BPIFB2: variants seen among roughly 807,000 people sequenced by gnomAD.
The protein encoded by BPIFB2 is BPI fold-containing family B member 2.
Under a neutral mutation model 50.1 loss-of-function variants are expected in BPIFB2, and 39 were observed. That is an observed-to-expected ratio of 0.78 (90% CI 0.60 to 1.02). The LOEUF (loss-of-function observed/expected upper bound fraction) is 1.02, where lower values mean the gene tolerates loss of function less well. Among genes scored for constraint, BPIFB2 ranks in the 50% least tolerant of loss-of-function variants. The pLI is 0.00. For missense variants in BPIFB2, 574 were observed against 585.8 expected (o/e 0.98, Z 0.21); for synonymous variants, 280 against 256.3 (o/e 1.09, Z -0.88).
intron 7 of BPIFB2, among the ~76,000 whole-genome samples, chr20:33,017,830 C>T (rs1172694166): frequency 2.0e-5 from 3 of 152,172 alleles, no homozygotes; most frequent in East Asian, 3.9e-4. Context: ...AATAACCCTA[C>T]AGGATTGTAA....
chr20:33,014,733 G>A (rs1274801447), intron 5 of BPIFB2, among the ~76,000 whole-genome samples: 2 of 152,250 alleles, frequency 1.3e-5, no homozygotes, highest in Non-Finnish European at 2.9e-5. Context: ...TCTCCCCAGA[G>A]AGGGATGTGG....
chr20:33,021,091 A>G (rs1046288263), intron 13 of BPIFB2, among the ~76,000 whole-genome samples, 190 bp from the exon 14 acceptor site: 11 of 152,076 alleles, frequency 7.2e-5, no homozygotes, highest in Non-Finnish European at 1.6e-4. Flanking sequence ...GGCTGAGCCA[A>G]CCATGGGGGT....
Position 33,020,392 on chromosome 20 carries a change from T to C in BPIFB2, c.1145T>C (p.Leu382Pro). 1 of 1,614,068 alleles carries C rather than the reference T, an allele frequency of 6.2e-7. No homozygotes were observed. The highest frequency in any genetic ancestry group is 8.5e-7 in the Non-Finnish European group (1 of 1,179,960). ...KVKLQGTTSV[L>P]GDVQLTVASS... The stretch of plus-strand genomic sequence containing the variant: ...AAGCTTCAGGGGACCACGTCTGTGC[T>C]GGGGTAAACGAGCCCACCTGGACCC... Residue 382 changes from leucine to proline, a missense_variant, in exon 12 of 16, where the codon CTG becomes CCG. Leu to Pro is a moderately conservative substitution (Grantham distance 98). Transcript: ENST00000170150.
chr20:33,019,170 T>C, intron 10 of BPIFB2, 55 bp downstream of exon 10: 1 of 1,602,828 alleles, frequency 6.2e-7, no homozygotes, highest in Middle Eastern at 1.7e-4. Context: ...GGGGTGGGGG[T>C]TCTCTGGGTC....
In BPIFB2 at chr20:33,008,636, C is replaced by T. The variant is rs373825975; in HGVS notation, c.62C>T (p.Ser21Phe). 6 of 1,607,730 alleles carry T rather than the reference C, an allele frequency of 3.7e-6. No homozygotes were observed. The highest frequency in any genetic ancestry group is 1.3e-5 in the African/African-American group (1 of 74,806). Residue 21 changes from serine to phenylalanine, a missense_variant, in exon 2 of 16, where the codon TCC (serine) becomes TTC (phenylalanine). Transcript: ENST00000170150. ...CTGCTGCTGCCCGTGGTCGGTGCCT[C>T]CACGCCAGGCACCGTGGTCCGACTC... ...LALLLPVVGA[S>F]TPGTVVRLNK...
intron 14 of BPIFB2, 62 bp from the exon 15 acceptor site, chr20:33,021,661 A>G: frequency 6.6e-7 from 1 of 1,508,300 alleles, no homozygotes; most frequent in Non-Finnish European, 9.2e-7. Flanking sequence ...GCTGTGATGC[A>G]CATGAGGGCT....
Position 33,008,395 on chromosome 20 carries a change from C to T in BPIFB2, c.-34-146C>T, listed in dbSNP as rs567589149. 6 of 557,004 alleles carry T rather than the reference C, an allele frequency of 1.1e-5. No homozygotes were observed. The South Asian group carries it at 1.4e-4, about 13-fold the overall frequency. The allele number at this position is 557,004 out of a possible 1,614,324, so 34.5% of individuals were successfully genotyped here. A position where few individuals can be genotyped will look rare whatever the true frequency, so the allele number is the denominator to read the frequency against. The stretch of plus-strand genomic sequence containing the variant: ...CAAGGCAAGGTGATGGTTCCCAATG[C>T]AGAGATGCAAAAACTGATGTCTGTG... On this transcript the variant is annotated intron_variant, in intron 1 of 15. Transcript: ENST00000170150.
Position 33,023,526 on chromosome 20 carries a change from C to A in BPIFB2, c.*143C>A. 2.2e-6 allele frequency: 2 copies of A among 917,850 alleles called. No individual in the cohort carries two copies. The highest frequency in any genetic ancestry group is 3.4e-6 in the Non-Finnish European group (2 of 582,734). The allele number at this position is 917,850 out of a possible 1,614,324, so 56.9% of individuals were successfully genotyped here. A position where few individuals can be genotyped will look rare whatever the true frequency, so the allele number is the denominator to read the frequency against. On this transcript the variant is annotated 3_prime_UTR_variant, in exon 16 of 16. Coordinates refer to ENST00000170150, the MANE Select transcript of BPIFB2 (RefSeq NM_025227.3). ...CTGCTTAGCTGGGCTGTTTTATCTT[C>A]CCTGAGTGCCTGGGTCTCCCTCCCT...
At chr20:33,020,234 G>T in intron 11 of BPIFB2, 94 bp from the exon 12 acceptor site, 2 of 1,247,518 alleles carry the variant, frequency 1.6e-6, no homozygotes. Context: ...GACACCTGCT[G>T]CCTGAATGAG....
intron 7 of BPIFB2, 27 bp downstream of exon 7, chr20:33,017,129 G>A (rs757655136): frequency 6.2e-7 from 1 of 1,609,056 alleles, no homozygotes; most frequent in South Asian, 1.1e-5. Flanking sequence ...AGGGGAGGGG[G>A]CTGGGGCCTC....
chr20:33,010,888 A>C, intron 2 of BPIFB2, 136 bp from the exon 3 acceptor site: 1 of 706,156 alleles, frequency 1.4e-6, no homozygotes, highest in Non-Finnish European at 2.4e-6. Flanking sequence ...TGCCCTCCCC[A>C]TATGCTTGGA....
At position 33,013,933 on chromosome 20, in the gene BPIFB2, C is replaced by G. The variant is rs1438820140; in HGVS notation, c.432C>G (p.Ala144=). The change falls in exon 5 of 16, where the codon GCC becomes GCG. Residue 144 remains alanine, a synonymous_variant. Coordinates refer to ENST00000170150, the MANE Select transcript of BPIFB2 (RefSeq NM_025227.3). ...ISACSLFSGH[A]NEFDGSNSTS... The stretch of plus-strand genomic sequence containing the variant: ...CCTGCTCTTTATTCTCGGGCCACGC[C>G]AACGAGTTTGATGGCAGTAACAGGT... 1 of 1,613,624 alleles carries G rather than the reference C, an allele frequency of 6.2e-7. No individual in the cohort carries two copies. The highest frequency in any genetic ancestry group is 8.5e-7 in the Non-Finnish European group (1 of 1,179,718).
chr20:33,023,286 C>CT (rs1481675145), intron 15 of BPIFB2, 56 bp from the exon 16 acceptor site: 3 of 1,557,872 alleles, frequency 1.9e-6, no homozygotes, highest in Non-Finnish European at 2.7e-6. Flanking sequence ...GAGGGGGCGG[C>CT]TGGGGTCCTG....
chr20:33,018,207 G>A, intron 7 of BPIFB2, 52 bp from the exon 8 acceptor site: 1 of 1,336,922 alleles, frequency 7.5e-7, no homozygotes, highest in Non-Finnish European at 1.1e-6. Flanking sequence ...TGAAACGTTG[G>A]TGAGCAGTGC....
chr20:33,009,185 G>A lies in BPIFB2; in HGVS notation c.109+502G>A, dbSNP rs986300158. Among the ~76,000 whole-genome samples, 5 of 152,264 alleles carry A rather than the reference G, an allele frequency of 3.3e-5. No homozygotes were observed. Among genetic ancestry groups the A allele is most frequent in the South Asian group, 2.1e-4 (1 of 4,826 alleles). On this transcript the variant is annotated intron_variant, in intron 2 of 15. Coordinates refer to ENST00000170150, the MANE Select transcript of BPIFB2 (RefSeq NM_025227.3). This position sits in a 1 kb window ranked among gnomAD's most constrained non-coding sequence, Gnocchi z 4.2. ...TGTCTAGCACCGTGATGCAAGGAGT[G>A]TTCTAAAGTTATATCCCTTCTGAGC...
chr20:33,015,373 T>C, intron 5 of BPIFB2, 63 bp from the exon 6 acceptor site: 5 of 1,474,676 alleles, frequency 3.4e-6, no homozygotes, highest in Non-Finnish European at 3.8e-6. Flanking sequence ...CGTGCGACTG[T>C]GCTGAGTGAC....
At chr20:33,010,001 G>A (rs755265290) in intron 2 of BPIFB2, among the ~76,000 whole-genome samples, 2 of 152,194 alleles carry the variant, frequency 1.3e-5, no homozygotes, top group Non-Finnish European at 2.9e-5. Flanking sequence ...AGGGGTGCTG[G>A]GAAACATGGA....
At chr20:33,016,038 C>G (rs1258000367) in intron 6 of BPIFB2, among the ~76,000 whole-genome samples, 1 of 152,086 alleles carries the variant, frequency 6.6e-6, no homozygotes, top group African/African-American at 2.4e-5. Context: ...TATTTTAGCT[C>G]TTGTCATTGT....
In BPIFB2 at chr20:33,009,287, T is replaced by G. The variant is rs1025339226; in HGVS notation, c.109+604T>G. Among the ~76,000 whole-genome samples the G allele has an allele frequency of 2.0e-5, 3 of 152,188 alleles. No individual in the cohort carries two copies. Among genetic ancestry groups the G allele is most frequent in the African/African-American group, 7.2e-5 (3 of 41,426 alleles). The stretch of plus-strand genomic sequence containing the variant: ...GTCTTACGGCTGTGCTGCTAGATCC[T>G]TCCAAGTCTTGCCCCAATCCCCTAA... On this transcript the variant is annotated intron_variant, in intron 2 of 15. Coordinates refer to ENST00000170150, the MANE Select transcript of BPIFB2 (RefSeq NM_025227.3). This position sits in a 1 kb window ranked among gnomAD's most constrained non-coding sequence, Gnocchi z 4.2.
Sources: gnomAD v4.1 joint callset for allele counts (sites outside exome capture counted in the v4.1 genomes callset) on GRCh38, gnomAD v4.1.1 for gene constraint, Gnocchi (gnomAD v3.1) non-coding constraint, MANE v1.5 for transcripts, NCBI Gene and HGNC (gene_info 2026-07-23, HGNC 2026-07-21) for gene names.